LIMK1: variants seen among roughly 807,000 people sequenced by gnomAD.
LIMK1 encodes LIM domain kinase 1, also known as LIM motif-containing protein kinase.
LIMK1 carries 21 observed loss-of-function variants against 77.6 expected under a neutral mutation model. The ratio of observed to expected loss-of-function variants is 0.27; its 90% CI spans 0.19 to 0.39. LIMK1 has a LOEUF of 0.39. LIMK1 is among the 10% of genes least tolerant of loss of function. The pLI is 1.00. For missense variants in LIMK1, 696 were observed against 901.6 expected, an observed-to-expected ratio of 0.77 and a Z score of 2.92; for synonymous variants, 358 against 370.0, an observed-to-expected ratio of 0.97 and a Z score of 0.37.
At chr7:74,114,557 A>C (rs1799769306) in intron 12 of LIMK1, among the ~76,000 whole-genome samples, 1 of 151,304 alleles carries the variant, frequency 6.6e-6, no homozygotes, top group Non-Finnish European at 1.5e-5. Context: ...GCCTCAAAAA[A>C]AAAAAAAAAA....
intron 10 of LIMK1, 43 bp from the exon 11 acceptor site, chr7:74,111,605 G>A (rs1554698636): frequency 3.8e-6 from 6 of 1,574,624 alleles, no homozygotes; most frequent in Non-Finnish European, 5.2e-6. Flanking sequence ...CTGCCATCGG[G>A]GCCCCCACCG....
chr7:74,102,479 C>CTTTTTTTTTTTTTTTTTTTT (rs1554696715), intron 5 of LIMK1, among the ~76,000 whole-genome samples: 1 of 35,176 alleles, frequency 2.8e-5, no homozygotes, highest in Non-Finnish European at 7.7e-5. Context: ...AAAGAAGGAC[C>CTTTTTTTTTTTTTTTTTTTT]TTCTCTTTTT....
At chr7:74,099,002 C>T in intron 4 of LIMK1, 30 bp from the exon 5 acceptor site, 1 of 1,581,470 alleles carries the variant, frequency 6.3e-7, no homozygotes, top group Non-Finnish European at 8.6e-7. Context: ...CCTTGACACT[C>T]TTTTCTTCCC....
intron 2 of LIMK1, among the ~76,000 whole-genome samples, chr7:74,086,452 C>T (rs188878564): frequency 6.6e-5 from 10 of 152,084 alleles, no homozygotes; most frequent in South Asian, 2.1e-4. Flanking sequence ...CTCCATCTCC[C>T]GGGCTAAAGT....
At chr7:74,099,921 A>T (rs1799421267) in intron 5 of LIMK1, among the ~76,000 whole-genome samples, 1 of 150,982 alleles carries the variant, frequency 6.6e-6, no homozygotes, top group Non-Finnish European at 1.5e-5. Context: ...GAAGTTTGAG[A>T]CCAGCTTGGG....
chr7:74,084,061 G>T lies in LIMK1; in HGVS notation c.55+16G>T. 1 of 1,463,110 alleles carries T rather than the reference G, an allele frequency of 6.8e-7. No individual in the cohort carries two copies. Among genetic ancestry groups the T allele is most frequent in the Non-Finnish European group, 9.2e-7 (1 of 1,092,058 alleles). 90.6% of individuals were successfully genotyped at this position (1,463,110 alleles called of 1,614,324 possible). A position where few individuals can be genotyped will look rare whatever the true frequency, so the allele number is the denominator to read the frequency against. ...GGAGAGGAAGGTGCGCGGGCCGCGG[G>T]GTGTGGGGCGAGGGCCTGGAGGGGG... On this transcript the variant is annotated intron_variant, in intron 1 of 15. Transcript: ENST00000336180.
rs570895327 is a variant in LIMK1, at chr7:74,106,174, G to C, written c.812G>C (p.Ser271Thr). 1.2e-6 allele frequency: 2 copies of C among 1,613,996 alleles called. No individual in the cohort carries two copies. Among genetic ancestry groups the C allele is most frequent in the Admixed American group, 3.3e-5 (2 of 60,018 alleles). ...TLGHGLGPET[S>T]PLSSPAYTPS... ...GGCCACGGGCTGGGGCCTGAGACCAGCCCCCTGAGCTCTCCGGCTTATACT... is the reference window on the plus strand; with the variant it reads ...GGCCACGGGCTGGGGCCTGAGACCACCCCCCTGAGCTCTCCGGCTTATACT... Residue 271 changes from serine (S) to threonine (T), a missense_variant, in exon 7 of 16, where the codon AGC (serine) becomes ACC (threonine). By Grantham distance (58) the Ser-to-Thr change is moderately conservative. Transcript: ENST00000336180.
chr7:74,106,387 A>G (rs1363886784), intron 7 of LIMK1, 144 bp downstream of exon 7: 16 of 821,260 alleles, frequency 1.9e-5, no homozygotes. Flanking sequence ...GTAAGCTGTC[A>G]TCACACCACT....
rs1190195908 is a variant in LIMK1, at chr7:74,115,638, G to A, written c.1411-164G>A. 13 of 653,588 alleles carry A rather than the reference G, an allele frequency of 2.0e-5. 1 individual carries two copies. Among genetic ancestry groups the A allele is most frequent in the African/African-American group, 1.1e-4 (6 of 54,954 alleles). 40.5% of individuals were successfully genotyped at this position (653,588 alleles called of 1,614,324 possible). A position where few individuals can be genotyped will look rare whatever the true frequency, so the allele number is the denominator to read the frequency against. On this transcript the variant is annotated intron_variant, in intron 12 of 15. Coordinates refer to ENST00000336180, the MANE Select transcript of LIMK1 (RefSeq NM_002314.4). ...TCCCGCAGCTCCATTTGCAAAGAGC[G>A]GATGGGTTTGGGGAAGGAAGGGGTC...
intron 3 of LIMK1, 135 bp downstream of exon 3, chr7:74,096,895 C>A: frequency 8.2e-7 from 1 of 1,223,990 alleles, no homozygotes; most frequent in Non-Finnish European, 1.1e-6. Context: ...CTGAGCCTGA[C>A]TGTCTGTCTG....
At chr7:74,094,595 G>A (rs1799303354) in intron 2 of LIMK1, among the ~76,000 whole-genome samples, 1 of 152,198 alleles carries the variant, frequency 6.6e-6, no homozygotes, top group Non-Finnish European at 1.5e-5. Context: ...TGCACCAGGC[G>A]TGGGGGCTTC....
chr7:74,100,390 G>A (rs1799430592), intron 5 of LIMK1, among the ~76,000 whole-genome samples: 1 of 152,156 alleles, frequency 6.6e-6, no homozygotes, highest in African/African-American at 2.4e-5. Flanking sequence ...GACACCTTGA[G>A]AAGTAGCATG....
At chr7:74,114,454 G>A (rs1799766515) in intron 12 of LIMK1, among the ~76,000 whole-genome samples, 1 of 151,836 alleles carries the variant, frequency 6.6e-6, no homozygotes, top group African/African-American at 2.4e-5. Flanking sequence ...AGGAGGTGGA[G>A]GTGGGAGGAT....
chr7:74,106,832 A>G (rs1799584020), intron 7 of LIMK1, among the ~76,000 whole-genome samples, 178 bp from the exon 8 acceptor site: 1 of 152,212 alleles, frequency 6.6e-6, no homozygotes, highest in South Asian at 2.1e-4. Context: ...GAGCCAGGAT[A>G]GGCCGAGACA....
chr7:74,101,801 C>CAT (rs10552134), intron 5 of LIMK1, among the ~76,000 whole-genome samples: 185 of 146,180 alleles, frequency 1.3e-3, no homozygotes, highest in East Asian at 3.2e-3. Flanking sequence ...ATATGTATGT[C>CAT]ATATATATAT....
At chr7:74,099,361 GT>G (rs1451091142) in intron 5 of LIMK1, 123 bp downstream of exon 5, 14 of 910,436 alleles carry the variant, frequency 1.5e-5, no homozygotes, top group Non-Finnish European at 2.4e-5. Context: ...ATGGGGCCCA[GT>G]TCTGACAACC....
At chr7:74,104,986 G>C (rs782000735) in intron 5 of LIMK1, among the ~76,000 whole-genome samples, 1 of 152,102 alleles carries the variant, frequency 6.6e-6, no homozygotes, top group Admixed American at 6.6e-5. Flanking sequence ...ACGGAGTCTC[G>C]CTCTGTCCAC....
chr7:74,096,481 C>T, intron 2 of LIMK1, 141 bp from the exon 3 acceptor site: 1 of 1,106,122 alleles, frequency 9.0e-7, no homozygotes, highest in Non-Finnish European at 1.3e-6. Flanking sequence ...AGCCTGGCGA[C>T]AGAGCAAGAC....
At chr7:74,119,644 A>C (rs1312951913) in intron 13 of LIMK1, among the ~76,000 whole-genome samples, 1 of 151,260 alleles carries the variant, frequency 6.6e-6, no homozygotes, top group Non-Finnish European at 1.5e-5. Flanking sequence ...ACAGTGGCTC[A>C]CACCTGTAAT....
Sources: gnomAD v4.1 joint callset for allele counts (sites outside exome capture counted in the v4.1 genomes callset) on GRCh38, gnomAD v4.1.1 for gene constraint, MANE v1.5 for transcripts, NCBI Gene and HGNC (gene_info 2026-07-23, HGNC 2026-07-21) for gene names.